CSPP1: variants seen among roughly 807,000 people sequenced by gnomAD.
CSPP1 encodes the protein centrosome and spindle pole associated protein 1.
A neutral mutation model predicts 164.4 loss-of-function variants in CSPP1; 126 were observed. The ratio of observed to expected loss-of-function variants is 0.77; its 90% CI spans 0.66 to 0.89. The LOEUF (loss-of-function observed/expected upper bound fraction) is 0.89, where lower values mean the gene tolerates loss of function less well. CSPP1 is among the 40% of genes least tolerant of loss of function. The pLI, the probability that CSPP1 is intolerant of heterozygous loss-of-function variation, is 0.00. For synonymous variants in CSPP1, 472 were observed against 476.7 expected (o/e 0.99, Z 0.13); for missense variants, 1,395 against 1,449.8 (o/e 0.96, Z 0.61).
intron 28 of CSPP1, among the ~76,000 whole-genome samples, chr8:67,189,038 T>G (rs1020783651): frequency 6.6e-6 from 1 of 152,180 alleles, no homozygotes; most frequent in Non-Finnish European, 1.5e-5. Flanking sequence ...ACCCGCCTGG[T>G]AACACATTAA....
intron 3 of CSPP1, among the ~76,000 whole-genome samples, chr8:67,078,285 G>C (rs558499021): frequency 6.6e-6 from 1 of 152,000 alleles, no homozygotes; most frequent in African/African-American, 2.4e-5. Context: ...AGTTAAATAC[G>C]TGAAAAGATG....
chr8:67,147,948 TCA>T (rs776671599), intron 17 of CSPP1, among the ~76,000 whole-genome samples: 3 of 152,126 alleles, frequency 2.0e-5, no homozygotes, highest in Non-Finnish European at 4.4e-5. Flanking sequence ...TGAGACAGTC[TCA>T]CTCTGTCACC....
intron 17 of CSPP1, among the ~76,000 whole-genome samples, chr8:67,139,108 C>T (rs922937287): frequency 2.0e-4 from 30 of 151,864 alleles, no homozygotes; most frequent in Admixed American, 1.5e-3. Context: ...TGTAGATGTG[C>T]GGCATTACCA....
intron 30 of CSPP1, 69 bp from the exon 31 acceptor site, chr8:67,195,313 G>T: frequency 1.1e-6 from 1 of 919,002 alleles, no homozygotes; most frequent in South Asian, 1.3e-5. Context: ...TGGACTACAA[G>T]AGACCTGCGC....
rs887796505 is a variant in CSPP1 at position 67,142,970 on chromosome 8, C to T, written c.1975+5367C>T. ...GTATCCTTCACCTTGTTTCCCCTGA[C>T]GTTAACGTCTTAGATAATCATGGCA... On this transcript the variant is annotated intron_variant, in intron 17 of 30. Transcript: ENST00000678616. Among the ~76,000 whole-genome samples, 5 of 152,106 alleles carry T rather than the reference C, an allele frequency of 3.3e-5. No homozygotes were observed. In the South Asian group the frequency reaches 8.3e-4, roughly 25 times the overall value.
intron 9 of CSPP1, among the ~76,000 whole-genome samples, chr8:67,106,730 G>A (rs76661678): frequency 0.035 from 5,341 of 152,160 alleles, 196 homozygotes; most frequent in African/African-American, 0.08. Flanking sequence ...GTCTTTTTGT[G>A]AAAACTGTTA....
Position 67,190,690 on chromosome 8 carries a change from C to T in CSPP1, c.3261C>T (p.Val1087=), listed in dbSNP as rs745372419. The T allele has an allele frequency of 1.9e-6, 3 of 1,613,946 alleles. No individual in the cohort carries two copies. The highest frequency in any genetic ancestry group is 2.2e-5 in the South Asian group (2 of 91,076). The part of the protein sequence containing the change: ...GETYPAIEDD[V]LPPPSQLPSA... ...CATATCCTGCCATTGAAGATGACGT[C>T]CTCCCTCCACCATCACAGTTGCCCT... Residue 1087 remains valine (V), a synonymous_variant, in exon 29 of 31, where the codon GTC becomes GTT. Coordinates refer to ENST00000678616, the MANE Select transcript of CSPP1 (RefSeq NM_001382391.1).
At chr8:67,102,417 C>T (rs1026393591) in intron 7 of CSPP1, among the ~76,000 whole-genome samples, 1 of 152,080 alleles carries the variant, frequency 6.6e-6, no homozygotes, top group African/African-American at 2.4e-5. Flanking sequence ...TGGTGAAACC[C>T]TGTCTCTACT....
chr8:67,154,367 A>AT (rs1271392393), intron 19 of CSPP1, among the ~76,000 whole-genome samples: 2 of 151,686 alleles, frequency 1.3e-5, no homozygotes, highest in African/African-American at 2.4e-5. Context: ...TAAATAATTA[A>AT]TTTTTTTTAT....
At chr8:67,074,111 G>T (rs1326856026) in intron 1 of CSPP1, 132 bp from the exon 2 acceptor site, 17 of 547,292 alleles carry the variant, frequency 3.1e-5, no homozygotes, top group Admixed American at 1.3e-4. Flanking sequence ...GCATATTTAT[G>T]ATCAATCTTA....
At chr8:67,188,657 C>A (rs1835347127) in intron 28 of CSPP1, among the ~76,000 whole-genome samples, 1 of 152,126 alleles carries the variant, frequency 6.6e-6, no homozygotes, top group South Asian at 2.1e-4. Flanking sequence ...CGCTTGCTGT[C>A]CACCAGTGCT....
intron 28 of CSPP1, among the ~76,000 whole-genome samples, chr8:67,187,246 GATCCAGA>G (rs1361324997): frequency 2.6e-5 from 4 of 152,194 alleles, no homozygotes; most frequent in African/African-American, 9.6e-5. Flanking sequence ...AAAGGCAAAA[GATCCAGA>G]ATAGCCAGCA....
intron 4 of CSPP1, 190 bp downstream of exon 4, chr8:67,086,300 A>G (rs1290857385): frequency 1.2e-5 from 8 of 651,648 alleles, no homozygotes; most frequent in Non-Finnish European, 2.3e-5. Flanking sequence ...AACCGGTGCC[A>G]TAGAATGATA....
intron 1 of CSPP1, among the ~76,000 whole-genome samples, chr8:67,070,244 C>T (rs1049438147): frequency 8.6e-5 from 13 of 151,614 alleles, no homozygotes; most frequent in African/African-American, 3.1e-4. Flanking sequence ...AGGCGGATCA[C>T]GAGGTCAGGA....
At chr8:67,185,852 G>A (rs1834431055) in intron 28 of CSPP1, among the ~76,000 whole-genome samples, 1 of 152,072 alleles carries the variant, frequency 6.6e-6, no homozygotes, top group Non-Finnish European at 1.5e-5. Context: ...GAATGGAAAA[G>A]ACTCAAAAGC....
At chr8:67,078,223 A>G (rs117562230) in intron 3 of CSPP1, among the ~76,000 whole-genome samples, 3,584 of 152,232 alleles carry the variant, frequency 0.024, 55 homozygotes, top group Admixed American at 0.044. Context: ...CAGGAGCTAC[A>G]CTTTGTTTCC....
Position 67,095,674 on chromosome 8 carries a change from A to G in CSPP1, c.865A>G (p.Arg289Gly), listed in dbSNP as rs374744285. 116 of 1,611,118 alleles carry G rather than the reference A, an allele frequency of 7.2e-5. No individual in the cohort carries two copies. The highest frequency in any genetic ancestry group is 9.5e-5 in the Non-Finnish European group (112 of 1,178,916). ...TGAAGTAAGTGAAGAAATGGATGAGAGGTTTAGATATGAAAGTGATTTTGA... is the reference window on the plus strand; with the variant it reads ...TGAAGTAAGTGAAGAAATGGATGAGGGGTTTAGATATGAAAGTGATTTTGA... The part of the protein sequence containing the change: ...DPEVSEEMDE[R>G]FRYESDFDRR... Residue 289 changes from arginine to glycine, a missense_variant, in exon 7 of 31, where the codon AGG becomes GGG. Coordinates refer to ENST00000678616, the MANE Select transcript of CSPP1 (RefSeq NM_001382391.1).
chr8:67,123,585 C>T (rs1262924335), intron 15 of CSPP1, among the ~76,000 whole-genome samples: 2 of 149,650 alleles, frequency 1.3e-5, no homozygotes, highest in Non-Finnish European at 3.0e-5. Context: ...TCTAATCCTC[C>T]TTTATTACCT....
chr8:67,115,848 T>C, intron 12 of CSPP1, 66 bp from the exon 13 acceptor site: 2 of 1,248,342 alleles, frequency 1.6e-6, no homozygotes, highest in Non-Finnish European at 2.3e-6. Flanking sequence ...GGAGGTCTTT[T>C]GAGGTCCCTT....
Sources: gnomAD v4.1 joint callset for allele counts (sites outside exome capture counted in the v4.1 genomes callset) on GRCh38, gnomAD v4.1.1 for gene constraint, MANE v1.5 for transcripts, NCBI Gene and HGNC (gene_info 2026-07-23, HGNC 2026-07-21) for gene names.